SORL1: variants seen among roughly 807,000 people sequenced by gnomAD.
The protein encoded by SORL1 is sortilin related receptor 1, also known as sortilin-related receptor.
Under a neutral mutation model 273.7 loss-of-function variants are expected in SORL1, and 127 were observed. The ratio of observed to expected loss-of-function variants is 0.46; its 90% CI spans 0.40 to 0.54. The LOEUF (loss-of-function observed/expected upper bound fraction) is 0.54, where lower values mean the gene tolerates loss of function less well. SORL1 is among the 20% of genes least tolerant of loss of function. The pLI, the probability that SORL1 is intolerant of heterozygous loss-of-function variation, is 0.00. For missense variants in SORL1, 2,494 were observed against 2,846.1 expected (o/e 0.88, Z 2.81); for synonymous variants, 1,031 against 1,067.4 (o/e 0.97, Z 0.66).
chr11:121,588,142 G>A lies in SORL1; in HGVS notation c.3937G>A (p.Ala1313Thr), dbSNP rs1363889991. The change falls in exon 28 of 48, where the codon GCA becomes ACA. Residue 1313 changes from alanine (A) to threonine (T), a missense_variant. This residue lies in a region of SORL1 where 1,609 missense variants were observed against 1,816.4 expected (regional missense o/e 0.89). Transcript: ENST00000260197. ...RDGSDEDAAF[A>T]GCSQDPEFHK... ...CGGGTCCGATGAGGATGCGGCGTTT[G>A]CAGGATGCTGTGAGTTGGGGCAGGC... 6.2e-7 allele frequency: 1 copy of A among 1,613,222 alleles called. No homozygotes were observed. Among genetic ancestry groups the A allele is most frequent in the Non-Finnish European group, 8.5e-7 (1 of 1,179,496 alleles).
chr11:121,622,979 A>T (rs1565358412), intron 45 of SORL1, among the ~76,000 whole-genome samples: 1 of 152,242 alleles, frequency 6.6e-6, no homozygotes, highest in African/African-American at 2.4e-5. Context: ...CATGGGTTCT[A>T]AATAGTCACC....
Position 121,606,877 on chromosome 11 carries a change from C to T in SORL1, c.4981C>T (p.Leu1661Phe), listed in dbSNP as rs145511905. Residue 1661 changes from leucine to phenylalanine, a missense_variant, in exon 36 of 48, where the codon CTC (leucine) becomes TTC (phenylalanine). Leu to Phe is a conservative substitution (Grantham distance 22). Coordinates refer to ENST00000260197, the MANE Select transcript of SORL1 (RefSeq NM_003105.6). The stretch of plus-strand genomic sequence containing the variant: ...TGCCCCTCGAAATCTCCAGCTGTCA[C>T]TCCCCAGGGAAGCAGAAGGTGTGAT... Reference protein sequence around the residue: ...PDAPRNLQLSLPREAEGVIVG... With the variant: ...PDAPRNLQLSFPREAEGVIVG... 6.2e-6 allele frequency: 10 copies of T among 1,613,994 alleles called. No individual in the cohort carries two copies. In the African/African-American group the frequency reaches 1.1e-4, roughly 17 times the overall value.
At chr11:121,584,688 C>T (rs568342246) in intron 26 of SORL1, among the ~76,000 whole-genome samples, 17 of 152,062 alleles carry the variant, frequency 1.1e-4, no homozygotes, top group South Asian at 6.2e-4. Flanking sequence ...ACCTCCTGGG[C>T]GCAAGGCATC....
chr11:121,480,416 A>G (rs1407474869), intron 3 of SORL1, among the ~76,000 whole-genome samples: 4 of 152,188 alleles, frequency 2.6e-5, no homozygotes, highest in East Asian at 3.9e-4. Context: ...CAATTTATTA[A>G]GTTGTACTTA....
intron 24 of SORL1, among the ~76,000 whole-genome samples, chr11:121,575,830 C>G (rs911582143): frequency 1.3e-5 from 2 of 152,180 alleles, no homozygotes; most frequent in Non-Finnish European, 2.9e-5. Context: ...TTCCCTCTTT[C>G]TGGTATCATT....
intron 1 of SORL1, among the ~76,000 whole-genome samples, chr11:121,461,514 G>T (rs1210356607): frequency 6.6e-6 from 1 of 152,202 alleles, no homozygotes; most frequent in Admixed American, 6.5e-5. Context: ...TTCTCCATTA[G>T]TCTTGTTTAT....
Position 121,496,900 on chromosome 11 carries a change from A to G in SORL1, c.790A>G (p.Ile264Val). 1 of 1,613,248 alleles carries G rather than the reference A, an allele frequency of 6.2e-7. No individual in the cohort carries two copies. The highest frequency in any genetic ancestry group is 1.1e-5 in the South Asian group (1 of 91,030). ...GIDPYDKPNTIYIERHEPSGY... is the reference protein window; with the variant it reads ...GIDPYDKPNTVYIERHEPSGY... ...TGATCCCTATGACAAACCAAATACC[A>G]TCTACATTGAACGACATGAACCCTC... The change falls in exon 6 of 48, where the codon ATC becomes GTC. Residue 264 changes from isoleucine (I) to valine (V), a missense_variant. Physicochemically the swap from Ile to Val is conservative, Grantham distance 29 (BLOSUM62 3). This residue lies in a region of SORL1 where 710 missense variants were observed against 882.5 expected (regional missense o/e 0.80). Coordinates refer to ENST00000260197, the MANE Select transcript of SORL1 (RefSeq NM_003105.6).
Position 121,622,196 on chromosome 11 carries a change from A to G in SORL1, c.6099A>G (p.Ile2033Met). 1 of 1,612,252 alleles carries G rather than the reference A, an allele frequency of 6.2e-7. No homozygotes were observed. The highest frequency in any genetic ancestry group is 8.5e-7 in the Non-Finnish European group (1 of 1,178,996). ...SLSAPDALKI[I>M]TENDHVLLFW... The stretch of plus-strand genomic sequence containing the variant: ...CAGCACCTGATGCCTTAAAAATCAT[A>G]ACAGAAAATGATCATGTTCTTCTGT... Residue 2033 changes from isoleucine to methionine, a missense_variant, in exon 45 of 48, where the codon ATA becomes ATG. Physicochemically the swap from Ile to Met is conservative, Grantham distance 10. Coordinates refer to ENST00000260197, the MANE Select transcript of SORL1 (RefSeq NM_003105.6).
In SORL1 at chr11:121,563,439, C is replaced by T. The variant is rs1308829927; in HGVS notation, c.3050-3501C>T. On this transcript the variant is annotated intron_variant, in intron 21 of 47. Coordinates refer to ENST00000260197, the MANE Select transcript of SORL1 (RefSeq NM_003105.6). The surrounding 1 kb of genome is among the most constrained non-coding windows in gnomAD (Gnocchi z 4.2). ...GAGACAGAGTCTCGTTCTGTTACCC[C>T]GGCTGGAGTGCAGTGATGTGATCTT... 2.0e-5 allele frequency among the ~76,000 whole-genome samples: 3 copies of T among 152,166 alleles called. No individual in the cohort carries two copies. The highest frequency in any genetic ancestry group is 2.9e-5 in the Non-Finnish European group (2 of 67,992).
chr11:121,500,766 C>T (rs1376122464), intron 6 of SORL1, among the ~76,000 whole-genome samples: 1 of 152,190 alleles, frequency 6.6e-6, no homozygotes, highest in African/African-American at 2.4e-5. Context: ...TTATGGGCCT[C>T]TCTAAATTGT....
intron 5 of SORL1, among the ~76,000 whole-genome samples, chr11:121,494,960 G>A (rs1407337591): frequency 6.6e-6 from 1 of 152,188 alleles, no homozygotes; most frequent in East Asian, 1.9e-4. Flanking sequence ...TGCACACAGA[G>A]GATCTGATAA....
chr11:121,485,271 A>C (rs1861457313), intron 3 of SORL1, among the ~76,000 whole-genome samples: 1 of 152,198 alleles, frequency 6.6e-6, no homozygotes, highest in South Asian at 2.1e-4. Context: ...CACACAAATG[A>C]GTTAAATGGT....
At chr11:121,547,332 G>GC (rs1555070926) in intron 14 of SORL1, among the ~76,000 whole-genome samples, 1 of 121,960 alleles carries the variant, frequency 8.2e-6, no homozygotes, top group Non-Finnish European at 1.6e-5. Flanking sequence ...AATCTTTGGG[G>GC]TTTTTTTTTT....
chr11:121,501,737 T>C (rs1361337928), intron 6 of SORL1, among the ~76,000 whole-genome samples: 1 of 152,182 alleles, frequency 6.6e-6, no homozygotes, highest in African/African-American at 2.4e-5. Context: ...GCCCCCATGA[T>C]TCAGTTACCT....
chr11:121,568,956 T>G (rs1784919), intron 22 of SORL1, among the ~76,000 whole-genome samples: 4 of 152,172 alleles, frequency 2.6e-5, no homozygotes, highest in African/African-American at 9.7e-5. Context: ...TTACTTGTTG[T>G]GGGAAGTCCG....
intron 14 of SORL1, among the ~76,000 whole-genome samples, chr11:121,549,722 T>G (rs1303793341): frequency 7.5e-6 from 1 of 133,448 alleles, no homozygotes; most frequent in Non-Finnish European, 1.7e-5. Flanking sequence ...TTTGGCATGA[T>G]GATTTTTTTT....
rs1591342531 is a variant in SORL1 at position 121,591,371 on chromosome 11, G to A, written c.4369+215G>A. Among the ~76,000 whole-genome samples the A allele has an allele frequency of 2.0e-5, 3 of 152,212 alleles. No individual in the cohort carries two copies. The South Asian group carries it at 6.2e-4, about 32-fold the overall frequency. On this transcript the variant is annotated intron_variant, in intron 31 of 47. Transcript: ENST00000260197. ...ATAGATGCATAGGAAATTGGAATGG[G>A]AGCATCTCATCCTCTATAACTGGCC...
At position 121,577,334 on chromosome 11, in the gene SORL1, C is replaced by T. The variant is rs765364921; in HGVS notation, c.3514C>T (p.Arg1172Cys). The T allele has an allele frequency of 1.9e-6, 3 of 1,613,398 alleles. No homozygotes were observed. Among genetic ancestry groups the T allele is most frequent in the Non-Finnish European group, 2.5e-6 (3 of 1,179,698 alleles). ...EYNCSSGMCIRSSWVCDGDND... is the reference protein window; with the variant it reads ...EYNCSSGMCICSSWVCDGDND... Reference sequence around the variant, plus strand: ...CAACTGCAGTTCCGGCATGTGCATCCGCTCCTCCTGGGTATGTGACGGGGA... The same window carrying T: ...CAACTGCAGTTCCGGCATGTGCATCTGCTCCTCCTGGGTATGTGACGGGGA... Residue 1172 changes from arginine (R) to cysteine (C), a missense_variant, in exon 25 of 48, where the codon CGC (arginine) becomes TGC (cysteine). By Grantham distance (180) the Arg-to-Cys change is radical. Transcript: ENST00000260197.
rs1010463399 is a variant in SORL1 at position 121,590,202 on chromosome 11, C to G, written c.4213+28C>G. ...AAGAGGCCCCTGGGGCCTGGGTTAG[C>G]CCCATAACCAAGACACACCAGAATA... On this transcript the variant is annotated intron_variant, in intron 30 of 47. Coordinates refer to ENST00000260197, the MANE Select transcript of SORL1 (RefSeq NM_003105.6). 1.9e-6 allele frequency: 3 copies of G among 1,610,188 alleles called. No individual in the cohort carries two copies. The African/African-American group carries it at 4.0e-5, about 22-fold the overall frequency.
Sources: gnomAD v4.1 joint callset for allele counts (sites outside exome capture counted in the v4.1 genomes callset) on GRCh38, gnomAD v4.1.1 for gene constraint, gnomAD v4.1.1 regional missense constraint, Gnocchi (gnomAD v3.1) non-coding constraint, MANE v1.5 for transcripts, NCBI Gene and HGNC (gene_info 2026-07-23, HGNC 2026-07-21) for gene names.